UBA6: variants seen among roughly 807,000 people sequenced by gnomAD.
UBA6 encodes the protein ubiquitin like modifier activating enzyme 6.
A neutral mutation model predicts 148.3 loss-of-function variants in UBA6; 87 were observed. That is an observed-to-expected ratio of 0.59 (90% CI 0.49 to 0.70). UBA6 has a LOEUF of 0.70. Ranked by LOEUF, UBA6 falls within the 30% of genes least tolerant of loss-of-function variation. The pLI, the probability that UBA6 is intolerant of heterozygous loss-of-function variation, is 0.00. For missense variants in UBA6, 1,186 were observed against 1,241.2 expected, an observed-to-expected ratio of 0.96 and a Z score of 0.67; for synonymous variants, 376 against 401.0, an observed-to-expected ratio of 0.94 and a Z score of 0.75.
At position 67,635,531 on chromosome 4, in the gene UBA6, A is replaced by G; in HGVS notation, c.1764T>C (p.Leu588=). ...TAGTGCCCATTGTTCCAGAATCTAAAAGAGGCCTTAGATTTGCTAAGCAAC... is the reference window on the plus strand; with the variant it reads ...TAGTGCCCATTGTTCCAGAATCTAAGAGAGGCCTTAGATTTGCTAAGCAAC... ...DSRCLANLRP[L]LDSGTMGTKG... The change falls in exon 20 of 33, where the codon CTT becomes CTC. Residue 588 remains leucine (L), a synonymous_variant. Coordinates refer to ENST00000322244, the MANE Select transcript of UBA6 (RefSeq NM_018227.6). The G allele has an allele frequency of 6.2e-7, 1 of 1,612,432 alleles. No homozygotes were observed. Among genetic ancestry groups the G allele is most frequent in the Non-Finnish European group, 8.5e-7 (1 of 1,178,648 alleles).
chr4:67,680,287 T>C (rs1378174628), intron 4 of UBA6, among the ~76,000 whole-genome samples: 4 of 152,044 alleles, frequency 2.6e-5, no homozygotes, highest in African/African-American at 4.8e-5. Flanking sequence ...TAACAGCTAA[T>C]AATAATCACA....
chr4:67,633,512 A>G, intron 22 of UBA6, 39 bp from the exon 23 acceptor site: 1 of 1,551,228 alleles, frequency 6.4e-7, no homozygotes, highest in South Asian at 1.2e-5. Context: ...CATACTTCCA[A>G]TTACAAACAT....
Position 67,630,508 on chromosome 4 carries a change from T to G in UBA6, c.2286A>C (p.Ala762=). Reference sequence around the variant, plus strand: ...TACAATATACTGTAGCATATAGTTTTGCAGCATTCTGAAGGAAACTGAGGT... The same window carrying G: ...TACAATATACTGTAGCATATAGTTTGGCAGCATTCTGAAGGAAACTGAGGT... ...PLHLSFLQNA[A]KLYATVYCIP... The change falls in exon 26 of 33, where the codon GCA becomes GCC. Residue 762 remains alanine, a synonymous_variant. Coordinates refer to ENST00000322244, the MANE Select transcript of UBA6 (RefSeq NM_018227.6). 6.3e-7 allele frequency: 1 copy of G among 1,588,166 alleles called. No individual in the cohort carries two copies. The highest frequency in any genetic ancestry group is 8.6e-7 in the Non-Finnish European group (1 of 1,167,346).
Position 67,678,542 on chromosome 4 carries a change from A to T in UBA6, c.259-9T>A. The T allele has an allele frequency of 6.4e-7, 1 of 1,564,290 alleles. No individual in the cohort carries two copies. The highest frequency in any genetic ancestry group is 8.7e-7 in the Non-Finnish European group (1 of 1,144,738). On this transcript the variant is annotated splice_polypyrimidine_tract_variant and intron_variant, in intron 4 of 32. Transcript: ENST00000322244. ...TCATGAATTGTAACTGCCTTCAAAA[A>T]AGAAAAAAGTATTGGTTGAAGTCAG...
chr4:67,624,053 AT>A (rs2109894569), intron 30 of UBA6, 72 bp downstream of exon 30: 2 of 1,316,126 alleles, frequency 1.5e-6, no homozygotes, highest in Non-Finnish European at 2.0e-6. Context: ...TGAAGCTAGT[AT>A]TTTTCCCTTT....
chr4:67,662,141 A>G (rs749793817), intron 13 of UBA6, 48 bp downstream of exon 13: 1 of 1,541,562 alleles, frequency 6.5e-7, no homozygotes, highest in Non-Finnish European at 9.0e-7. Context: ...CAGAACACTT[A>G]TGTATTAACA....
Position 67,662,227 on chromosome 4 carries a change from T to G in UBA6, c.1066A>C (p.Lys356Gln). The change falls in exon 13 of 33, where the codon AAA (lysine) becomes CAA (glutamine). Residue 356 changes from lysine to glutamine, a missense_variant. Transcript: ENST00000322244. ...GTTTCACTTATAGATGTTGCTAGTT[T>G]CAACAGTTCTTCTGAATCTTGTTGG... The part of the protein sequence containing the change: ...GCQQDSEELL[K>Q]LATSISETLE... 1 of 1,613,616 alleles carries G rather than the reference T, an allele frequency of 6.2e-7. No individual in the cohort carries two copies. The highest frequency in any genetic ancestry group is 8.5e-7 in the Non-Finnish European group (1 of 1,179,794).
intron 32 of UBA6, among the ~76,000 whole-genome samples, chr4:67,620,934 C>T (rs527839087): frequency 1.1e-4 from 16 of 152,286 alleles, no homozygotes; most frequent in African/African-American, 3.8e-4. Flanking sequence ...ATCATAATCC[C>T]ACTGACTGAC....
intron 13 of UBA6, 68 bp from the exon 14 acceptor site, chr4:67,649,279 A>T: frequency 1.4e-6 from 2 of 1,394,704 alleles, no homozygotes; most frequent in Non-Finnish European, 1.9e-6. Context: ...AATTCCAATG[A>T]CTAAATGTGA....
intron 8 of UBA6, among the ~76,000 whole-genome samples, chr4:67,668,954 A>G (rs1730074459): frequency 6.6e-6 from 1 of 152,206 alleles, no homozygotes; most frequent in South Asian, 2.1e-4. Flanking sequence ...TAGATTCAAA[A>G]ATTCATGTAA....
rs1382842149 is a variant in UBA6 at position 67,631,892 on chromosome 4, TGAA to T, written c.2156_2158del (p.Leu719del). On this transcript the variant is annotated inframe_deletion, in exon 24 of 33. Coordinates refer to ENST00000322244, the MANE Select transcript of UBA6 (RefSeq NM_018227.6). The stretch of plus-strand genomic sequence containing the variant: ...TAATCGTATGTCCAGAGGGAAACAG[TGAA>T]GAAGCTGAAGAGCCTAAAGAAAAAA... The T allele has an allele frequency of 1.2e-6, 2 of 1,611,360 alleles. No individual in the cohort carries two copies. Among genetic ancestry groups the T allele is most frequent in the Admixed American group, 3.3e-5 (2 of 59,770 alleles).
intron 14 of UBA6, among the ~76,000 whole-genome samples, chr4:67,648,455 G>A (rs1268921201): frequency 7.1e-6 from 1 of 140,568 alleles, no homozygotes; most frequent in African/African-American, 2.7e-5. Context: ...GTAACAGTGT[G>A]AGACTCTGTC....
chr4:67,662,091 TAGCAA>T (rs1472363358), intron 13 of UBA6, 93 bp downstream of exon 13: 1 of 1,205,852 alleles, frequency 8.3e-7, no homozygotes, highest in East Asian at 2.4e-5. Context: ...TGCCACAGAG[TAGCAA>T]AGCTGGATGT....
Position 67,616,145 on chromosome 4 carries a change from A to G in UBA6, c.*2852T>C, listed in dbSNP as rs1210723573. 1 of 396,664 alleles carries G rather than the reference A, an allele frequency of 2.5e-6. No individual in the cohort carries two copies. The highest frequency in any genetic ancestry group is 4.4e-6 in the Non-Finnish European group (1 of 225,114). The allele number at this position is 396,664 out of a possible 1,614,324, so 24.6% of individuals were successfully genotyped here. A position where few individuals can be genotyped will look rare whatever the true frequency, so the allele number is the denominator to read the frequency against. ...AATGGATACTTAACTCTGATCCTCAAGAGCTCAACTCTGATTTTTTTTTTT... is the reference window on the plus strand; with the variant it reads ...AATGGATACTTAACTCTGATCCTCAGGAGCTCAACTCTGATTTTTTTTTTT... On this transcript the variant is annotated 3_prime_UTR_variant, in exon 33 of 33. Transcript: ENST00000322244.
At chr4:67,642,425 CTT>C (rs919400586) in intron 17 of UBA6, among the ~76,000 whole-genome samples, 1 of 152,044 alleles carries the variant, frequency 6.6e-6, no homozygotes, top group Non-Finnish European at 1.5e-5. Context: ...ACACTTAAAA[CTT>C]TTAACCATCT....
intron 19 of UBA6, among the ~76,000 whole-genome samples, chr4:67,635,917 A>G (rs1400883872): frequency 6.6e-6 from 1 of 152,174 alleles, no homozygotes; most frequent in African/African-American, 2.4e-5. Context: ...AATAATATTA[A>G]TCTTCTTTCT....
chr4:67,663,560 T>C, intron 11 of UBA6: 2 of 389,154 alleles, frequency 5.1e-6, no homozygotes, highest in East Asian at 8.7e-5. Flanking sequence ...ATGTATTGTA[T>C]AAAATGGTAC....
intron 27 of UBA6, among the ~76,000 whole-genome samples, chr4:67,627,277 G>A (rs61133737): frequency 0.013 from 2,047 of 151,960 alleles, 44 homozygotes; most frequent in African/African-American, 0.047. Context: ...GTCCAGGAAG[G>A]AGAAACTTTT....
intron 2 of UBA6, among the ~76,000 whole-genome samples, chr4:67,685,273 A>C (rs1730530609): frequency 6.6e-6 from 1 of 152,166 alleles, no homozygotes; most frequent in Admixed American, 6.5e-5. Context: ...ACTTCCTACT[A>C]AGAAAGATAA....
Sources: gnomAD v4.1 joint callset for allele counts (sites outside exome capture counted in the v4.1 genomes callset) on GRCh38, gnomAD v4.1.1 for gene constraint, MANE v1.5 for transcripts, NCBI Gene and HGNC (gene_info 2026-07-23, HGNC 2026-07-21) for gene names.